The following TET2 variants were observed in gnomAD, a reference collection of about 807,000 sequenced individuals.
TET2 encodes methylcytosine dioxygenase TET2.
TET2 carries 299 observed loss-of-function variants against 142.9 expected under a neutral mutation model. That is an observed-to-expected ratio of 2.09 (90% CI 1.90 to 2.30). The LOEUF (loss-of-function observed/expected upper bound fraction) is 2.30. Ranked by LOEUF, TET2 falls within the 30% of genes most tolerant of loss-of-function variation. TET2 has a pLI of 0.00. For missense variants in TET2, 2,418 were observed against 2,378.0 expected (o/e 1.02, Z -0.35); for synonymous variants, 819 against 849.0 (o/e 0.96, Z 0.61).
chr4:105,222,696 C>T (rs1727915685), intron 2 of TET2, among the ~76,000 whole-genome samples: 1 of 152,076 alleles, frequency 6.6e-6, no homozygotes, highest in African/African-American at 2.4e-5. Flanking sequence ...GTTCCTTTTG[C>T]TGTGCAGAAG....
At chr4:105,196,922 C>A (rs1233059567) in intron 2 of TET2, among the ~76,000 whole-genome samples, 3 of 152,096 alleles carry the variant, frequency 2.0e-5, no homozygotes, top group African/African-American at 7.2e-5. Flanking sequence ...TTTCCCTCTC[C>A]CCCTACTGGC....
intron 1 of TET2, among the ~76,000 whole-genome samples, chr4:105,185,302 G>A (rs1324371486): frequency 1.3e-5 from 2 of 152,160 alleles, no homozygotes; most frequent in Non-Finnish European, 2.9e-5. Flanking sequence ...CATGAAGCAT[G>A]TTGAATAAGA....
intron 1 of TET2, among the ~76,000 whole-genome samples, chr4:105,189,498 T>C (rs1356645491): frequency 6.6e-6 from 1 of 151,138 alleles, no homozygotes; most frequent in East Asian, 1.9e-4. Context: ...AGAGAGCTTT[T>C]TAATCTCCTC....
chr4:105,245,451 C>T (rs187369614), intron 6 of TET2, among the ~76,000 whole-genome samples: 2,095 of 152,194 alleles, frequency 0.014, 18 homozygotes, highest in Non-Finnish European at 0.022. Flanking sequence ...CTGCCTCAGC[C>T]TCCCGAATAG....
chr4:105,235,728 C>A lies in TET2; in HGVS notation c.1786C>A (p.Leu596Ile). The A allele has an allele frequency of 6.2e-7, 1 of 1,614,170 alleles. No homozygotes were observed. Among genetic ancestry groups the A allele is most frequent in the South Asian group, 1.1e-5 (1 of 91,084 alleles). Residue 596 changes from leucine (L) to isoleucine (I), a missense_variant, in exon 3 of 11, where the codon CTC (leucine) becomes ATC (isoleucine). By Grantham distance (5) the Leu-to-Ile change is conservative. Coordinates refer to ENST00000380013, the MANE Select transcript of TET2 (RefSeq NM_001127208.3). ...LPSILQYQPNLSNQMTSKQYT... is the reference protein window; with the variant it reads ...LPSILQYQPNISNQMTSKQYT... ...ATCAATTCTTCAGTATCAACCCAAT[C>A]TCTCCAATCAAATGACCTCCAAACA...
At chr4:105,248,070 A>G (rs1044097744) in intron 6 of TET2, among the ~76,000 whole-genome samples, 1 of 152,192 alleles carries the variant, frequency 6.6e-6, no homozygotes, top group Non-Finnish European at 1.5e-5. Flanking sequence ...TACATTGGCA[A>G]AAACACTTCA....
rs191097752 is a variant in TET2 at position 105,181,834 on chromosome 4, T to C, written c.-192-8526T>C. ...TACTCATTTGGATTTCTGATTCACT[T>C]ATATTACCCTCCAACCTTAAGTATG... On this transcript the variant is annotated intron_variant, in intron 1 of 10. Coordinates refer to ENST00000380013, the MANE Select transcript of TET2 (RefSeq NM_001127208.3). 2.7e-3 allele frequency among the ~76,000 whole-genome samples: 413 copies of C among 152,314 alleles called. 1 individual carries two copies. Among genetic ancestry groups the C allele is most frequent in the Non-Finnish European group, 4.5e-3 (307 of 68,018 alleles).
chr4:105,153,874 A>G (rs1723434719), intron 1 of TET2, among the ~76,000 whole-genome samples: 1 of 152,260 alleles, frequency 6.6e-6, no homozygotes, highest in Admixed American at 6.5e-5. Flanking sequence ...TCATTACAGC[A>G]TTATTAATAA....
chr4:105,193,720 A>G (rs1034573123), intron 2 of TET2, among the ~76,000 whole-genome samples: 1 of 152,202 alleles, frequency 6.6e-6, no homozygotes, highest in Non-Finnish European at 1.5e-5. Flanking sequence ...TGGTATTAAA[A>G]GAAATAGGGA....
intron 10 of TET2, among the ~76,000 whole-genome samples, chr4:105,274,749 G>A (rs966086494): frequency 3.9e-5 from 6 of 152,118 alleles, no homozygotes; most frequent in African/African-American, 1.4e-4. Flanking sequence ...GGAGGAAAAG[G>A]GAGGCACTTC....
chr4:105,225,185 C>CAT (rs112615379), intron 2 of TET2, among the ~76,000 whole-genome samples: 1 of 147,104 alleles, frequency 6.8e-6, no homozygotes, highest in Non-Finnish European at 1.5e-5. Context: ...AGTAAAAAAT[C>CAT]GTGTGTGTGT....
intron 8 of TET2, among the ~76,000 whole-genome samples, chr4:105,262,312 T>G (rs540368618): frequency 8.1e-4 from 124 of 152,306 alleles, no homozygotes; most frequent in Non-Finnish European, 1.2e-3. Context: ...TGTGTCAGAT[T>G]TTGCTGATCT....
At chr4:105,250,301 C>T (rs1177041494) in intron 6 of TET2, among the ~76,000 whole-genome samples, 2 of 150,490 alleles carry the variant, frequency 1.3e-5, no homozygotes, top group African/African-American at 2.4e-5. Flanking sequence ...GGTAAGTCTT[C>T]CAACTTTGTA....
chr4:105,178,338 C>T (rs12647786), intron 1 of TET2, among the ~76,000 whole-genome samples: 282 of 152,140 alleles, frequency 1.9e-3, no homozygotes, highest in East Asian at 0.015. Context: ...GAAGCTAATC[C>T]GAAAAGGCTA....
rs77883222 is a variant in TET2 at position 105,220,954 on chromosome 4, T to G, written c.-46-12943T>G. Reference sequence around the variant, plus strand: ...CAATTTTTCTAAGTACACTTTTATTTAATTGAAAGTTTCAAGCATTGGATA... The same window carrying G: ...CAATTTTTCTAAGTACACTTTTATTGAATTGAAAGTTTCAAGCATTGGATA... On this transcript the variant is annotated intron_variant, in intron 2 of 10. Coordinates refer to ENST00000380013, the MANE Select transcript of TET2 (RefSeq NM_001127208.3). Among the ~76,000 whole-genome samples, 83 of 152,284 alleles carry G rather than the reference T, an allele frequency of 5.5e-4. 4 individuals carry two copies. The East Asian group carries it at 0.016, about 29-fold the overall frequency.
chr4:105,148,184 A>C (rs1723131833), intron 1 of TET2, among the ~76,000 whole-genome samples: 1 of 152,118 alleles, frequency 6.6e-6, no homozygotes, highest in African/African-American at 2.4e-5. Flanking sequence ...GACATAATGA[A>C]GTGTGGCCTG....
At position 105,172,251 on chromosome 4, in the gene TET2, A is replaced by G. The variant is rs1162667052; in HGVS notation, c.-192-18109A>G. Among the ~76,000 whole-genome samples the G allele has an allele frequency of 2.6e-5, 4 of 152,090 alleles. No homozygotes were observed. In the East Asian group the frequency reaches 7.7e-4, roughly 29 times the overall value. On this transcript the variant is annotated intron_variant, in intron 1 of 10. Coordinates refer to ENST00000380013, the MANE Select transcript of TET2 (RefSeq NM_001127208.3). ...TAATTTTTGACTCCCCAAAAACTTA[A>G]CTACTAATAGCCTGCTGTTGTCTGG...
At chr4:105,208,642 T>C (rs1726966219) in intron 2 of TET2, among the ~76,000 whole-genome samples, 1 of 152,120 alleles carries the variant, frequency 6.6e-6, no homozygotes, top group Non-Finnish European at 1.5e-5. Flanking sequence ...CATGCGCAGC[T>C]TTACTTACTA....
In TET2 at chr4:105,192,068, C is replaced by T. The variant is rs143237622; in HGVS notation, c.-47+1563C>T. On this transcript the variant is annotated intron_variant, in intron 2 of 10. Coordinates refer to ENST00000380013, the MANE Select transcript of TET2 (RefSeq NM_001127208.3). The stretch of plus-strand genomic sequence containing the variant: ...TCTGCTCTTGTCTTTTACATGAGAA[C>T]TGAGAGCGCATTTTTAAGATGGAAT... Among the ~76,000 whole-genome samples the T allele has an allele frequency of 1.7e-3, 256 of 152,184 alleles. 4 individuals carry two copies. Among genetic ancestry groups the T allele is most frequent in the African/African-American group, 6.1e-3 (252 of 41,528 alleles).
Sources: allele counts gnomAD v4.1 joint callset (sites outside exome capture counted in the v4.1 genomes callset), GRCh38; gene constraint gnomAD v4.1.1; transcripts MANE v1.5; gene names NCBI Gene and HGNC (gene_info 2026-07-23, HGNC 2026-07-21).